The following ATP6V1C2 variants were observed in gnomAD, a reference collection of about 807,000 sequenced individuals.
The protein encoded by ATP6V1C2 is V-type proton ATPase subunit C 2.
ATP6V1C2 carries 45 observed loss-of-function variants against 56.8 expected under a neutral mutation model. That is an observed-to-expected ratio of 0.79 (90% CI 0.62 to 1.02). The LOEUF (loss-of-function observed/expected upper bound fraction) is 1.02. ATP6V1C2 is among the 50% of genes least tolerant of loss of function. The pLI, the probability that ATP6V1C2 is intolerant of heterozygous loss-of-function variation, is 0.00. For synonymous variants in ATP6V1C2, 220 were observed against 201.3 expected (o/e 1.09, Z -0.79); for missense variants, 463 against 519.7 (o/e 0.89, Z 1.06).
At chr2:10,781,797 A>T (rs879666624) in intron 12 of ATP6V1C2, among the ~76,000 whole-genome samples, 2 of 152,274 alleles carry the variant, frequency 1.3e-5, no homozygotes, top group Non-Finnish European at 2.9e-5. Flanking sequence ...GCTCAGGCAT[A>T]CAACTAGGTA....
At position 10,763,586 on chromosome 2, in the gene ATP6V1C2, T is replaced by C. The variant is rs528360749; in HGVS notation, c.284-745T>C. 1.3e-5 allele frequency among the ~76,000 whole-genome samples: 2 copies of C among 152,282 alleles called. No individual in the cohort carries two copies. The highest frequency in any genetic ancestry group is 3.9e-4 in the East Asian group (2 of 5,184). ...GGGACATCCGCCATGGGAAGGGCCC[T>C]CTGCCAGGGGCACAGGAATTCCAGG... On this transcript the variant is annotated intron_variant, in intron 4 of 13. Coordinates refer to ENST00000272238, the MANE Select transcript of ATP6V1C2 (RefSeq NM_001039362.2). This position sits in a 1 kb window ranked among gnomAD's most constrained non-coding sequence, Gnocchi z 4.2.
At chr2:10,744,743 A>G (rs1231855566) in intron 3 of ATP6V1C2, among the ~76,000 whole-genome samples, 3 of 138,932 alleles carry the variant, frequency 2.2e-5, no homozygotes, top group Non-Finnish European at 3.0e-5. Context: ...ATCTCGGCTC[A>G]CTGCAACCTC....
chr2:10,773,475 C>G (rs1042090123), intron 8 of ATP6V1C2, among the ~76,000 whole-genome samples: 2 of 152,184 alleles, frequency 1.3e-5, no homozygotes, highest in African/African-American at 4.8e-5. Flanking sequence ...CTCCGCCTTC[C>G]GGGTTTAAGC....
At position 10,726,529 on chromosome 2, in the gene ATP6V1C2, C is replaced by T; in HGVS notation, c.157C>T (p.Leu53Phe). Residue 53 changes from leucine to phenylalanine, a missense_variant, in exon 3 of 14, where the codon CTC (leucine) becomes TTC (phenylalanine). Coordinates refer to ENST00000272238, the MANE Select transcript of ATP6V1C2 (RefSeq NM_001039362.2). ...GGGGACCTTGGATTCCCTGGTTGGC[C>T]TCTCTGATGAGTTGGGGAAACTCGA... is the stretch of plus-strand genomic sequence containing the variant. ...KVGTLDSLVG[L>F]SDELGKLDTF... 3 of 1,613,986 alleles carry T rather than the reference C, an allele frequency of 1.9e-6. No individual in the cohort carries two copies. The highest frequency in any genetic ancestry group is 2.5e-6 in the Non-Finnish European group (3 of 1,179,910).
intron 8 of ATP6V1C2, among the ~76,000 whole-genome samples, chr2:10,774,441 T>A (rs1664824668): frequency 6.6e-6 from 1 of 152,224 alleles, no homozygotes; most frequent in African/African-American, 2.4e-5. Flanking sequence ...TCTGCTTTAC[T>A]ATCAGGCAGC....
At chr2:10,755,293 C>T (rs531554563) in intron 4 of ATP6V1C2, among the ~76,000 whole-genome samples, 34 of 152,286 alleles carry the variant, frequency 2.2e-4, no homozygotes, top group Non-Finnish European at 2.9e-4. Flanking sequence ...GCCCTGGTCT[C>T]CCAAAGTGCT....
At chr2:10,724,568 T>TA (rs766105053) in intron 2 of ATP6V1C2, among the ~76,000 whole-genome samples, 3 of 151,832 alleles carry the variant, frequency 2.0e-5, no homozygotes, top group African/African-American at 7.3e-5. Flanking sequence ...GGTAAAAAGA[T>TA]AAAAAAAGAA....
chr2:10,764,969 C>T (rs2148481590), intron 5 of ATP6V1C2, among the ~76,000 whole-genome samples: 1 of 128,500 alleles, frequency 7.8e-6, no homozygotes, highest in South Asian at 2.8e-4. Context: ...AGGTTCCGTC[C>T]CCCCACCAAA....
At chr2:10,750,209 T>C (rs938847901) in intron 3 of ATP6V1C2, among the ~76,000 whole-genome samples, 2 of 152,178 alleles carry the variant, frequency 1.3e-5, no homozygotes, top group Admixed American at 6.6e-5. Flanking sequence ...GGGCCACAAT[T>C]CTATGTAGTT....
Position 10,784,894 on chromosome 2 carries a change from C to A in ATP6V1C2, c.*1631C>A. On this transcript the variant is annotated 3_prime_UTR_variant, in exon 14 of 14. Coordinates refer to ENST00000272238, the MANE Select transcript of ATP6V1C2 (RefSeq NM_001039362.2). ...GATGCACAGGCTCAAGAGAGTAAAC[C>A]AGGACTGCTGCCCGCACAGCTTCCC... 7.2e-7 allele frequency: 1 copy of A among 1,398,494 alleles called. No individual in the cohort carries two copies. The highest frequency in any genetic ancestry group is 1.2e-5 in the South Asian group (1 of 81,234). 86.6% of individuals were successfully genotyped at this position (1,398,494 alleles called of 1,614,324 possible).
chr2:10,780,042 G>C lies in ATP6V1C2; in HGVS notation c.1061+1373G>C, dbSNP rs888537167. Among the ~76,000 whole-genome samples, 1 of 151,810 alleles carries C rather than the reference G, an allele frequency of 6.6e-6. No homozygotes were observed. The highest frequency in any genetic ancestry group is 1.5e-5 in the Non-Finnish European group (1 of 67,940). On this transcript the variant is annotated intron_variant, in intron 12 of 13. Coordinates refer to ENST00000272238, the MANE Select transcript of ATP6V1C2 (RefSeq NM_001039362.2). This position sits in a 1 kb window ranked among gnomAD's most constrained non-coding sequence, Gnocchi z 4.1. The stretch of plus-strand genomic sequence containing the variant: ...GTGTGACCTTCCGGACCCCTTCCCC[G>C]CCTGCACTGAGGAGCTCCTCATCCC...
intron 3 of ATP6V1C2, among the ~76,000 whole-genome samples, chr2:10,727,184 C>T (rs991070368): frequency 1.6e-4 from 25 of 151,950 alleles, no homozygotes; most frequent in Admixed American, 5.9e-4. Context: ...ATTCTCCTGC[C>T]TCAGCATCCT....
At chr2:10,782,102 G>C in intron 12 of ATP6V1C2, 141 bp from the exon 13 acceptor site, 1 of 950,812 alleles carries the variant, frequency 1.1e-6, no homozygotes, top group Non-Finnish European at 1.6e-6. Context: ...GCTGACCCTA[G>C]GCATTTTGCT....
At chr2:10,778,493 G>A in intron 11 of ATP6V1C2, 79 bp from the exon 12 acceptor site, 15 of 1,400,722 alleles carry the variant, frequency 1.1e-5, no homozygotes, top group African/African-American at 2.8e-5. Context: ...GGCGTGCTCT[G>A]TCAAAACCCA....
chr2:10,753,119 GT>G (rs1226758190), intron 3 of ATP6V1C2, among the ~76,000 whole-genome samples: 1 of 152,212 alleles, frequency 6.6e-6, no homozygotes, highest in East Asian at 1.9e-4. Flanking sequence ...CCTTCAGTGT[GT>G]TTTTCAGAGA....
At chr2:10,775,150 C>G in intron 10 of ATP6V1C2, 79 bp downstream of exon 10, 1 of 1,023,684 alleles carries the variant, frequency 9.8e-7, no homozygotes, top group African/African-American at 1.6e-5. Context: ...GTCTCCAGCT[C>G]TCCCTCCTCC....
Position 10,772,581 on chromosome 2 carries a change from C to T in ATP6V1C2, c.609C>T (p.Leu203=). 3.7e-6 allele frequency: 6 copies of T among 1,614,140 alleles called. No homozygotes were observed. Among genetic ancestry groups the T allele is most frequent in the Non-Finnish European group, 5.1e-6 (6 of 1,180,000 alleles). Residue 203 remains leucine, a synonymous_variant, in exon 8 of 14, where the codon CTC becomes CTT. Transcript: ENST00000272238. Reference sequence around the variant, plus strand: ...AATGGCAAAAAACCTACGAATCTCTCTCAGACATGGTGGTCCCTCGATCAA... The same window carrying T: ...AATGGCAAAAAACCTACGAATCTCTTTCAGACATGGTGGTCCCTCGATCAA... ...YSQWQKTYES[L]SDMVVPRSTK... is the part of the protein sequence containing the mutation.
rs1166069614 is a variant in ATP6V1C2, at chr2:10,780,172, G to A, written c.1061+1503G>A. Among the ~76,000 whole-genome samples, 1 of 152,042 alleles carries A rather than the reference G, an allele frequency of 6.6e-6. No individual in the cohort carries two copies. The highest frequency in any genetic ancestry group is 1.5e-5 in the Non-Finnish European group (1 of 68,018). ...TCTGCCTGCCGTAGGCTTTACCTGG[G>A]TATCTGTCTCATCTCCCCTCCCGCA... On this transcript the variant is annotated intron_variant, in intron 12 of 13. Transcript: ENST00000272238. The surrounding 1 kb of genome is among the most constrained non-coding windows in gnomAD (Gnocchi z 4.1).
intron 3 of ATP6V1C2, among the ~76,000 whole-genome samples, chr2:10,741,850 C>A (rs904753289): frequency 6.6e-6 from 1 of 151,884 alleles, no homozygotes; most frequent in Non-Finnish European, 1.5e-5. Flanking sequence ...CCTGGTTGCG[C>A]TCTTCCCAGG....
Sources: gnomAD v4.1 joint callset for allele counts (sites outside exome capture counted in the v4.1 genomes callset) on GRCh38, gnomAD v4.1.1 for gene constraint, Gnocchi (gnomAD v3.1) non-coding constraint, MANE v1.5 for transcripts, NCBI Gene and HGNC (gene_info 2026-07-23, HGNC 2026-07-21) for gene names.